Variants in CACNA1E observed in about 807,000 individuals in gnomAD.
CACNA1E encodes the protein calcium voltage-gated channel subunit alpha1 E.
CACNA1E carries 40 observed loss-of-function variants against 259.2 expected under a neutral mutation model. The ratio of observed to expected loss-of-function variants is 0.15; its 90% CI spans 0.12 to 0.20. The LOEUF (loss-of-function observed/expected upper bound fraction) is 0.20. CACNA1E is among the 10% of genes least tolerant of loss of function. The pLI, the probability that CACNA1E is intolerant of heterozygous loss-of-function variation, is 1.00. For missense variants in CACNA1E, 1,874 were observed against 3,040.1 expected (o/e 0.62, Z 9.02); for synonymous variants, 1,104 against 1,138.5 (o/e 0.97, Z 0.61).
At chr1:181,393,074 T>C (rs918857065) in intron 1 of CACNA1E, among the ~76,000 whole-genome samples, 1 of 152,240 alleles carries the variant, frequency 6.6e-6, no homozygotes, top group East Asian at 1.9e-4. Context: ...TGAATGGATT[T>C]TCTTTGTGGA....
intron 6 of CACNA1E, among the ~76,000 whole-genome samples, chr1:181,597,655 T>C (rs1410833450): frequency 6.6e-6 from 1 of 152,206 alleles, no homozygotes; most frequent in Non-Finnish European, 1.5e-5. Context: ...GTTTTCATGC[T>C]GCTATAAAGA....
chr1:181,381,553 T>A (rs894618517), intron 1 of CACNA1E, among the ~76,000 whole-genome samples: 3 of 152,082 alleles, frequency 2.0e-5, no homozygotes, highest in African/African-American at 4.8e-5. Flanking sequence ...TACAAAGAAG[T>A]TTTTTGGGAA....
rs765862025 is a variant in CACNA1E, at chr1:181,798,638, C to T, written c.6746C>T (p.Thr2249Met). ...SHASDCGEEE[T>M]LTFEAAVATS... The stretch of plus-strand genomic sequence containing the variant: ...GCCTCAGACTGTGGTGAGGAGGAGA[C>T]GCTCACTTTCGAAGCAGCCGTGGCT... Residue 2249 changes from threonine to methionine, a missense_variant, in exon 48 of 48, where the codon ACG becomes ATG. Physicochemically the swap from Thr to Met is moderately conservative, Grantham distance 81 (BLOSUM62 -1). This residue lies in a region of CACNA1E where 542 missense variants were observed against 587.2 expected (regional missense o/e 0.92). Coordinates refer to ENST00000367573, the MANE Select transcript of CACNA1E (RefSeq NM_001205293.3). The surrounding 1 kb of genome is among the most constrained non-coding windows in gnomAD (Gnocchi z 4.2). 4.3e-6 allele frequency: 7 copies of T among 1,610,640 alleles called. No individual in the cohort carries two copies. The highest frequency in any genetic ancestry group is 2.2e-5 in the South Asian group (2 of 90,948).
At position 181,485,237 on chromosome 1, in the gene CACNA1E, CAG is replaced by C. The variant is rs1485720492; in HGVS notation, c.266+1228_266+1229del. 6.6e-6 allele frequency among the ~76,000 whole-genome samples: 1 copy of C among 152,196 alleles called. No homozygotes were observed. Among genetic ancestry groups the C allele is most frequent in the African/African-American group, 2.4e-5 (1 of 41,438 alleles). Reference sequence around the variant, plus strand: ...CCACCCCCACCGTCCAGGTGTGCAGCAGTGAGGCAGCTGGAGCTGCCTTGGGT... The same window carrying C: ...CCACCCCCACCGTCCAGGTGTGCAGCTGAGGCAGCTGGAGCTGCCTTGGGT... On this transcript the variant is annotated intron_variant, in intron 1 of 47. Transcript: ENST00000367573. This position sits in a 1 kb window ranked among gnomAD's most constrained non-coding sequence, Gnocchi z 4.2.
rs752801592 is a variant in CACNA1E at position 181,796,698 on chromosome 1, G to A, written c.6239G>A (p.Gly2080Asp). 2 of 1,606,888 alleles carry A rather than the reference G, an allele frequency of 1.2e-6. No individual in the cohort carries two copies. Among genetic ancestry groups the A allele is most frequent in the South Asian group, 1.1e-5 (1 of 90,218 alleles). Residue 2080 changes from glycine to aspartate, a missense_variant, in exon 47 of 48, where the codon GGC becomes GAC. Transcript: ENST00000367573. ...GHKSDTHRSG[G>D]RERGRSKERK... ...AAGTCTGACACTCACCGCTCAGGGGGCAGGGAGCGGGGACGATCAAAAGAG... is the reference window on the plus strand; with the variant it reads ...AAGTCTGACACTCACCGCTCAGGGGACAGGGAGCGGGGACGATCAAAAGAG...
chr1:181,711,106 C>A, intron 8 of CACNA1E, 37 bp downstream of exon 8: 2 of 1,402,282 alleles, frequency 1.4e-6, no homozygotes, highest in Non-Finnish European at 2.0e-6. Flanking sequence ...GGTGAGTGGG[C>A]TGCAGAGACA....
intron 1 of CACNA1E, among the ~76,000 whole-genome samples, chr1:181,510,019 G>T (rs1296027722): frequency 6.6e-6 from 1 of 152,224 alleles, no homozygotes; most frequent in Non-Finnish European, 1.5e-5. Flanking sequence ...GAGAGCAATG[G>T]ATTGCAGCAG....
At chr1:181,515,279 G>A (rs1666491114) in intron 3 of CACNA1E, among the ~76,000 whole-genome samples, 1 of 152,180 alleles carries the variant, frequency 6.6e-6, no homozygotes, top group African/African-American at 2.4e-5. Context: ...TTCTCTCTGT[G>A]GGCTTGGGAT....
In CACNA1E at chr1:181,358,281, C is replaced by T. The variant is rs540217153; in HGVS notation, c.-15+40158C>T. ...GTTTGGAGCAGGTGAGTTATACCTACTACTCCTATTCCTTGGTCAGGACCT... is the reference window on the plus strand; with the variant it reads ...GTTTGGAGCAGGTGAGTTATACCTATTACTCCTATTCCTTGGTCAGGACCT... On this transcript the variant is annotated intron_variant, in intron 1 of 11. Transcript: ENST00000524607. 3.3e-5 allele frequency among the ~76,000 whole-genome samples: 5 copies of T among 152,312 alleles called. No homozygotes were observed. The East Asian group carries it at 9.6e-4, about 29-fold the overall frequency.
Position 181,577,778 on chromosome 1 carries a change from T to G in CACNA1E, c.525T>G (p.Thr175=). The part of the protein sequence containing the change: ...FIVVLSGILA[T]AGTHFNTHVD... ...TCTCTGTCTGCAGCATCCTGGCCAC[T>G]GCAGGAACCCACTTCAATACTCACG... The change falls in exon 4 of 48, where the codon ACT becomes ACG. Residue 175 remains threonine, a synonymous_variant. Transcript: ENST00000367573. The G allele has an allele frequency of 6.2e-7, 1 of 1,607,660 alleles. No homozygotes were observed. The highest frequency in any genetic ancestry group is 8.5e-7 in the Non-Finnish European group (1 of 1,176,712).
intron 6 of CACNA1E, among the ~76,000 whole-genome samples, chr1:181,615,054 GA>G (rs1306853516): frequency 3.9e-5 from 6 of 152,174 alleles, no homozygotes; most frequent in Admixed American, 1.3e-4. Flanking sequence ...TGAATCTATA[GA>G]ATATTGGGGA....
exon 1 of CACNA1E, chr1:181,317,834 C>A (rs1650014415): frequency 6.6e-6 from 1 of 152,108 alleles, no homozygotes; most frequent in Admixed American, 6.5e-5. Context: ...TTTCTGATTG[C>A]CAGAAATTTC....
intron 6 of CACNA1E, among the ~76,000 whole-genome samples, chr1:181,587,133 G>A (rs909466915): frequency 3.9e-5 from 6 of 152,172 alleles, no homozygotes; most frequent in Middle Eastern, 3.2e-3. Flanking sequence ...TAGATGTGGT[G>A]TTGGAATCTT....
chr1:181,682,390 A>C (rs970396875), intron 7 of CACNA1E, among the ~76,000 whole-genome samples: 31 of 152,342 alleles, frequency 2.0e-4, no homozygotes, highest in Non-Finnish European at 2.6e-4. Flanking sequence ...TGCTTATCAC[A>C]GGTGAGGAAA....
At chr1:181,389,057 T>G (rs1656062267) in intron 1 of CACNA1E, among the ~76,000 whole-genome samples, 1 of 152,240 alleles carries the variant, frequency 6.6e-6, no homozygotes, top group South Asian at 2.1e-4. Flanking sequence ...TTGTTTCATG[T>G]ATGTTTTTGT....
chr1:181,711,156 G>A, intron 8 of CACNA1E, 87 bp downstream of exon 8: 1 of 910,038 alleles, frequency 1.1e-6, no homozygotes, highest in Non-Finnish European at 1.8e-6. Context: ...CCATTCAAGG[G>A]GCAGCCTAGA....
At chr1:181,504,898 G>C (rs1420481117) in intron 1 of CACNA1E, among the ~76,000 whole-genome samples, 2 of 152,214 alleles carry the variant, frequency 1.3e-5, no homozygotes, top group Non-Finnish European at 2.9e-5. Flanking sequence ...GAGCAACACA[G>C]GTCCTCATTA....
chr1:181,473,340 A>C (rs505738), intron 2 of CACNA1E, among the ~76,000 whole-genome samples: 81,674 of 152,054 alleles, frequency 0.54, 22,881 homozygotes, highest in African/African-American at 0.69. Context: ...AAACCATGCT[A>C]ATTATGCATA....
At chr1:181,644,182 G>A (rs1658054291) in intron 6 of CACNA1E, among the ~76,000 whole-genome samples, 1 of 152,094 alleles carries the variant, frequency 6.6e-6, no homozygotes, top group South Asian at 2.1e-4. Context: ...GCCCTAGAAG[G>A]TAGTAATAGT....
Sources: allele counts gnomAD v4.1 joint callset (sites outside exome capture counted in the v4.1 genomes callset), GRCh38; gene constraint gnomAD v4.1.1; regional missense constraint gnomAD v4.1.1; non-coding constraint Gnocchi (gnomAD v3.1); transcripts MANE v1.5; gene names NCBI Gene and HGNC (gene_info 2026-07-23, HGNC 2026-07-21).